Variants in CREB5 observed in about 807,000 individuals in gnomAD.
CREB5 encodes cyclic AMP-responsive element-binding protein 5.
A neutral mutation model predicts 57.1 loss-of-function variants in CREB5; 19 were observed. The observed-to-expected ratio is 0.33, with a 90% CI of 0.23 to 0.49. The LOEUF is 0.49. Ranked by LOEUF, CREB5 falls within the 20% of genes least tolerant of loss-of-function variation. The pLI is 0.99. For missense variants in CREB5, 579 were observed against 671.6 expected (o/e 0.86, Z 1.52); for synonymous variants, 238 against 238.3 (o/e 1.00, Z 0.01).
chr7:28,632,906 C>T (rs561150149), intron 5 of CREB5, among the ~76,000 whole-genome samples: 22 of 152,298 alleles, frequency 1.4e-4, no homozygotes, highest in Non-Finnish European at 2.4e-4. Flanking sequence ...AGGCTGGCAT[C>T]TATCCTGTTC....
At chr7:28,657,717 G>GAA (rs59307921) in intron 5 of CREB5, among the ~76,000 whole-genome samples, 1,089 of 53,956 alleles carry the variant, frequency 0.02, 53 homozygotes, top group African/African-American at 0.055. Flanking sequence ...ACTCTCTCTC[G>GAA]AAAAAAAAAA....
At chr7:28,464,586 T>C (rs1790485075) in intron 1 of CREB5, among the ~76,000 whole-genome samples, 1 of 151,836 alleles carries the variant, frequency 6.6e-6, no homozygotes, top group Non-Finnish European at 1.5e-5. Context: ...AGATTTTCTA[T>C]TTTTTCTTGA....
At chr7:28,355,329 G>C (rs1239894983) in intron 1 of CREB5, among the ~76,000 whole-genome samples, 3 of 152,162 alleles carry the variant, frequency 2.0e-5, no homozygotes, top group African/African-American at 7.2e-5. Context: ...TCTTTCTGCT[G>C]ACCCTTGGCA....
intron 7 of CREB5, among the ~76,000 whole-genome samples, chr7:28,747,551 A>G (rs544508819): frequency 1.3e-5 from 2 of 152,326 alleles, no homozygotes; most frequent in East Asian, 3.9e-4. Flanking sequence ...TGCAGTGGTG[A>G]AGGGACTCAC....
rs1786661413 is a variant in CREB5, at chr7:28,369,474, T to A, written c.-25+70033T>A. ...CAGCTCTACGGACATTGTGGGCAAG[T>A]CACATCATTCTTTACATCCCAGTTT... On this transcript the variant is annotated intron_variant, in intron 1 of 9. Coordinates refer to the CREB5 transcript ENST00000396299. 2.0e-5 allele frequency among the ~76,000 whole-genome samples: 3 copies of A among 152,224 alleles called. 1 individual carries two copies. In the South Asian group the frequency reaches 6.2e-4, roughly 32 times the overall value.
intron 5 of CREB5, among the ~76,000 whole-genome samples, chr7:28,681,519 C>T (rs949210007): frequency 2.0e-5 from 3 of 152,250 alleles, no homozygotes; most frequent in East Asian, 3.9e-4. Context: ...TGTATGCCAC[C>T]ACGCCCAGTC....
At chr7:28,329,171 T>C (rs1390260171) in intron 1 of CREB5, among the ~76,000 whole-genome samples, 1 of 152,198 alleles carries the variant, frequency 6.6e-6, no homozygotes, top group African/African-American at 2.4e-5. Context: ...GATTAGCATA[T>C]GGGGAAATTT....
chr7:28,575,568 C>T (rs916343761), intron 5 of CREB5, among the ~76,000 whole-genome samples: 2 of 152,246 alleles, frequency 1.3e-5, no homozygotes, highest in Non-Finnish European at 2.9e-5. Flanking sequence ...TTCAGGCCAG[C>T]CTCCTTCCTG....
At chr7:28,344,293 AAC>A (rs1785995123) in intron 1 of CREB5, among the ~76,000 whole-genome samples, 1 of 152,166 alleles carries the variant, frequency 6.6e-6, no homozygotes, top group African/African-American at 2.4e-5. Context: ...TCTTACATTT[AAC>A]ACTTTAATCC....
intron 5 of CREB5, among the ~76,000 whole-genome samples, chr7:28,594,169 G>T (rs899203660): frequency 2.0e-5 from 3 of 152,172 alleles, no homozygotes; most frequent in Admixed American, 6.5e-5. Flanking sequence ...GATGCTACCC[G>T]CTAGACTCTC....
chr7:28,516,572 C>T (rs1792966157), intron 4 of CREB5, among the ~76,000 whole-genome samples: 1 of 152,210 alleles, frequency 6.6e-6, no homozygotes, highest in Non-Finnish European at 1.5e-5. Flanking sequence ...TTTGGCCCGC[C>T]CTGCCCTCCC....
chr7:28,349,617 C>T (rs1786149530), intron 1 of CREB5, among the ~76,000 whole-genome samples: 1 of 152,098 alleles, frequency 6.6e-6, no homozygotes, highest in South Asian at 2.1e-4. Flanking sequence ...ACCATCGGCC[C>T]ATACAACTTA....
At position 28,825,434 on chromosome 7, in the gene CREB5, T is replaced by C. The variant is rs1810007101; in HGVS notation, c.*6155T>C. ...GCCCAGAAAAATAGCTCAGTTCAAA[T>C]ACAATGTTCTAGGACAATTGGAATA... is the stretch of plus-strand genomic sequence containing the variant. On this transcript the variant is annotated 3_prime_UTR_variant, in exon 11 of 11. Coordinates refer to ENST00000357727, the MANE Select transcript of CREB5 (RefSeq NM_182898.4). The C allele has an allele frequency of 6.6e-6, 1 of 152,544 alleles. No individual in the cohort carries two copies. The highest frequency in any genetic ancestry group is 2.1e-4 in the South Asian group (1 of 4,828). The allele number at this position is 152,544 out of a possible 1,614,324, so 9.4% of individuals were successfully genotyped here. A position where few individuals can be genotyped will look rare whatever the true frequency, so the allele number is the denominator to read the frequency against.
intron 4 of CREB5, among the ~76,000 whole-genome samples, chr7:28,521,174 A>G (rs1223916844): frequency 9.8e-6 from 1 of 102,200 alleles, no homozygotes; most frequent in East Asian, 3.9e-4. Context: ...GCACGTGTGT[A>G]TAAGTGTGTG....
At chr7:28,407,600 T>C (rs1247049639), upstream of CREB5, among the ~76,000 whole-genome samples, 2 of 152,230 alleles carry the variant, frequency 1.3e-5, no homozygotes, top group Non-Finnish European at 2.9e-5. Context: ...GTCTGTAATA[T>C]GACAGCTAGA....
intron 5 of CREB5, among the ~76,000 whole-genome samples, chr7:28,637,108 C>A (rs191273719): frequency 6.6e-6 from 1 of 151,904 alleles, no homozygotes; most frequent in Non-Finnish European, 1.5e-5. Flanking sequence ...GAGCCATGAT[C>A]GTGCCACTGT....
At chr7:28,363,412 T>A (rs1786528418) in intron 1 of CREB5, among the ~76,000 whole-genome samples, 1 of 152,140 alleles carries the variant, frequency 6.6e-6, no homozygotes, top group African/African-American at 2.4e-5. Flanking sequence ...CTGAGCCTCA[T>A]GGCTGTGAAT....
At chr7:28,375,977 A>G (rs1285816747) in intron 1 of CREB5, among the ~76,000 whole-genome samples, 1 of 152,246 alleles carries the variant, frequency 6.6e-6, no homozygotes, top group African/African-American at 2.4e-5. Context: ...AGTGAGAGGC[A>G]TGAGTGGAGC....
At chr7:28,537,820 G>T (rs1051558338) in intron 4 of CREB5, among the ~76,000 whole-genome samples, 8 of 152,128 alleles carry the variant, frequency 5.3e-5, no homozygotes, top group African/African-American at 1.4e-4. Flanking sequence ...TCCATTCTTT[G>T]TTTATATTTA....
Sources: gnomAD v4.1 joint callset for allele counts (sites outside exome capture counted in the v4.1 genomes callset) on GRCh38, gnomAD v4.1.1 for gene constraint, MANE v1.5 for transcripts, NCBI Gene and HGNC (gene_info 2026-07-23, HGNC 2026-07-21) for gene names.